The following ANKHD1 variants were observed in gnomAD, a reference collection of about 807,000 sequenced individuals.
The protein encoded by ANKHD1 is ankyrin repeat and KH domain containing 1, also known as ankyrin repeat and KH domain-containing protein 1.
Under a neutral mutation model 230.5 loss-of-function variants are expected in ANKHD1, and 31 were observed. The observed-to-expected ratio is 0.13, with a 90% CI of 0.10 to 0.18. The LOEUF (loss-of-function observed/expected upper bound fraction) is 0.18, where lower values mean the gene tolerates loss of function less well. Among genes scored for constraint, ANKHD1 ranks in the 10% least tolerant of loss-of-function variants. ANKHD1 has a pLI of 1.00. For synonymous variants in ANKHD1, 1,074 were observed against 1,117.6 expected, an observed-to-expected ratio of 0.96 and a Z score of 0.78; for missense variants, 2,256 against 3,071.3, an observed-to-expected ratio of 0.73 and a Z score of 6.27.
intron 29 of ANKHD1, 111 bp from the exon 30 acceptor site, chr5:140,535,251 A>G: frequency 6.9e-7 from 1 of 1,451,464 alleles, no homozygotes; most frequent in Non-Finnish European, 9.2e-7. Context: ...GCTATCTTTT[A>G]TTTATTTGTT....
At chr5:140,512,571 C>T (rs1446704365) in intron 22 of ANKHD1, among the ~76,000 whole-genome samples, 5 of 152,104 alleles carry the variant, frequency 3.3e-5, no homozygotes, top group African/African-American at 1.2e-4. Context: ...TCTAGTCCAC[C>T]ATCCATTCCT....
Position 140,526,936 on chromosome 5 carries a change from G to A in ANKHD1, c.4949G>A (p.Gly1650Asp). 1 of 1,609,908 alleles carries A rather than the reference G, an allele frequency of 6.2e-7. No individual in the cohort carries two copies. Among genetic ancestry groups the A allele is most frequent in the Non-Finnish European group, 8.5e-7 (1 of 1,178,644 alleles). The change falls in exon 27 of 34, where the codon GGT becomes GAT. Residue 1650 changes from glycine (G) to aspartate (D), a missense_variant. Transcript: ENST00000360839. ...TATTTGTCTCTTCTTAGACTTGAAG[G>A]TGAAGTGACTCCTAATTCCTTGTCA... ...ATSKTQTRLEGEVTPNSLSTS... is the reference protein window; with the variant it reads ...ATSKTQTRLEDEVTPNSLSTS...
At chr5:140,488,222 G>A (rs183014905) in intron 14 of ANKHD1, among the ~76,000 whole-genome samples, 6 of 152,082 alleles carry the variant, frequency 3.9e-5, no homozygotes, top group Admixed American at 6.5e-5. Flanking sequence ...GTTTTCTTTG[G>A]GGGGGAGTTT....
At chr5:140,451,701 G>A (rs912053146) in intron 7 of ANKHD1, among the ~76,000 whole-genome samples, 4 of 152,002 alleles carry the variant, frequency 2.6e-5, no homozygotes, top group African/African-American at 4.8e-5. Context: ...TAGGAACATG[G>A]TTTCACCCTT....
At chr5:140,481,045 A>T (rs1751252306) in intron 10 of ANKHD1, among the ~76,000 whole-genome samples, 1 of 152,102 alleles carries the variant, frequency 6.6e-6, no homozygotes, top group Admixed American at 6.5e-5. Context: ...GATGTAAAGG[A>T]TGAAAATGAG....
chr5:140,538,852 T>C (rs573127036), intron 32 of ANKHD1, 67 bp from the exon 33 acceptor site: 77 of 1,350,846 alleles, frequency 5.7e-5, no homozygotes, highest in Non-Finnish European at 6.7e-5. Flanking sequence ...GCTGGTATTA[T>C]GGGATTTATA....
intron 10 of ANKHD1, among the ~76,000 whole-genome samples, chr5:140,479,936 A>G (rs1751194102): frequency 6.6e-6 from 1 of 150,946 alleles, no homozygotes; most frequent in Middle Eastern, 3.2e-3. Context: ...ATATATATGT[A>G]TATAATGGGG....
At chr5:140,525,186 G>C (rs1753547061) in intron 25 of ANKHD1, among the ~76,000 whole-genome samples, 1 of 151,942 alleles carries the variant, frequency 6.6e-6, no homozygotes, top group South Asian at 2.1e-4. Context: ...TACCACCTTA[G>C]ACAAGAAAAT....
In ANKHD1 at chr5:140,503,553, C is replaced by CTTTTTTT. The variant is rs70988767; in HGVS notation, c.3005-1242_3005-1236dup. On this transcript the variant is annotated intron_variant, in intron 15 of 33. Transcript: ENST00000360839. ...AATTTCTTTTAACTCAGTTTTCTTTCTTTTTTTTTTTTTTTTTTTTTTTTT... is the reference window on the plus strand; with the variant it reads ...AATTTCTTTTAACTCAGTTTTCTTTCTTTTTTTTTTTTTTTTTTTTTTTTTTTTTTTT... Among the ~76,000 whole-genome samples, 431 of 51,426 alleles carry CTTTTTTT rather than the reference C, an allele frequency of 8.4e-3. 39 individuals are homozygous for CTTTTTTT. The highest frequency in any genetic ancestry group is 0.013 in the East Asian group (21 of 1,640). 33.7% of individuals were successfully genotyped at this position (51,426 alleles called of 152,430 possible). A position where few individuals can be genotyped will look rare whatever the true frequency, so the allele number is the denominator to read the frequency against.
intron 1 of ANKHD1, among the ~76,000 whole-genome samples, chr5:140,412,060 GAC>G (rs892285907): frequency 2.0e-5 from 3 of 151,430 alleles, no homozygotes; most frequent in South Asian, 2.1e-4. Flanking sequence ...AATTTTTTCC[GAC>G]ACACAGTCTT....
chr5:140,486,316 C>T (rs757113499), intron 13 of ANKHD1, among the ~76,000 whole-genome samples: 20 of 152,134 alleles, frequency 1.3e-4, no homozygotes, highest in Non-Finnish European at 2.4e-4. Flanking sequence ...CTACCTGCCT[C>T]GGCCTCCCAA....
intron 15 of ANKHD1, chr5:140,498,312 CT>C (rs1488454375): frequency 6.6e-6 from 1 of 152,142 alleles, no homozygotes; most frequent in East Asian, 1.9e-4. Context: ...TTCCTTTCTT[CT>C]TTTGTGAGCC....
Position 140,528,215 on chromosome 5 carries a change from C to G in ANKHD1, c.5269C>G (p.Gln1757Glu). 4.4e-6 allele frequency: 7 copies of G among 1,602,790 alleles called. No individual in the cohort carries two copies. The highest frequency in any genetic ancestry group is 5.9e-6 in the Non-Finnish European group (7 of 1,176,544). ...CACAGAATCAACAAGATATGCAGTT[C>G]AACTAATCAATGCACTCATTCAAGA... ...GGTESTRYAV[Q>E]LINALIQDPA... The change falls in exon 29 of 34, where the codon CAA becomes GAA. Residue 1757 changes from glutamine (Q) to glutamate (E), a missense_variant. Physicochemically the swap from Gln to Glu is conservative, Grantham distance 29. Around this residue, in one of 13 missense-constraint regions of ANKHD1, gnomAD observed 778 missense variants for 966.5 expected, o/e 0.80. Transcript: ENST00000360839.
intron 10 of ANKHD1, among the ~76,000 whole-genome samples, chr5:140,473,408 T>C (rs922306246): frequency 6.6e-6 from 1 of 152,020 alleles, no homozygotes; most frequent in Non-Finnish European, 1.5e-5. Flanking sequence ...TGAGAAGCTG[T>C]TTTATTTATT....
chr5:140,435,813 G>A lies in ANKHD1; in HGVS notation c.307-291G>A, dbSNP rs115880223. ...CCCTCCCAAACTGCTAGGATCACAG[G>A]CGTGGGCCACTGTGACTGGCCTTAA... is the stretch of plus-strand genomic sequence containing the variant. On this transcript the variant is annotated intron_variant, in intron 1 of 33. Coordinates refer to ENST00000360839, the MANE Select transcript of ANKHD1 (RefSeq NM_017747.3). Among the ~76,000 whole-genome samples, 678 of 152,200 alleles carry A rather than the reference G, an allele frequency of 4.5e-3. 5 individuals carry two copies. Among genetic ancestry groups the A allele is most frequent in the African/African-American group, 0.015 (617 of 41,528 alleles).
At chr5:140,531,934 C>T (rs1753842448) in intron 29 of ANKHD1, among the ~76,000 whole-genome samples, 4 of 152,064 alleles carry the variant, frequency 2.6e-5, no homozygotes, top group Admixed American at 2.6e-4. Context: ...AAGGGCCAGG[C>T]GCGGTGGCTC....
chr5:140,515,607 G>A (rs907975356), intron 24 of ANKHD1, among the ~76,000 whole-genome samples: 1 of 152,152 alleles, frequency 6.6e-6, no homozygotes, highest in Non-Finnish European at 1.5e-5. Context: ...CGGGCAGACT[G>A]CCTCCTCAAG....
intron 1 of ANKHD1, among the ~76,000 whole-genome samples, chr5:140,423,310 A>T (rs1772143797): frequency 6.6e-6 from 1 of 152,030 alleles, no homozygotes. Flanking sequence ...TAATTTTCTC[A>T]TGGTTCTGTG....
chr5:140,409,178 G>C (rs1191386782), intron 1 of ANKHD1, among the ~76,000 whole-genome samples: 2 of 152,196 alleles, frequency 1.3e-5, no homozygotes, highest in Admixed American at 1.3e-4. Context: ...GGTAAACAAG[G>C]TGAGTCACTG....
Sources: allele counts gnomAD v4.1 joint callset (sites outside exome capture counted in the v4.1 genomes callset), GRCh38; gene constraint gnomAD v4.1.1; regional missense constraint gnomAD v4.1.1; transcripts MANE v1.5; gene names NCBI Gene and HGNC (gene_info 2026-07-23, HGNC 2026-07-21).